KLHL1: variants seen among roughly 807,000 people sequenced by gnomAD.
The protein encoded by KLHL1 is kelch-like protein 1.
A neutral mutation model predicts 77.7 loss-of-function variants in KLHL1; 47 were observed. The observed-to-expected ratio is 0.60, with a 90% confidence interval of 0.48 to 0.77. The LOEUF (loss-of-function observed/expected upper bound fraction) is 0.77. Ranked by LOEUF, KLHL1 falls within the 30% of genes least tolerant of loss-of-function variation. KLHL1 has a pLI of 0.00. For missense variants in KLHL1, 925 were observed against 910.8 expected (o/e 1.02, Z -0.20); for synonymous variants, 360 against 325.2 (o/e 1.11, Z -1.15).
intron 4 of KLHL1, among the ~76,000 whole-genome samples, chr13:69,915,704 C>A (rs1048671496): frequency 3.3e-5 from 5 of 152,056 alleles, no homozygotes; most frequent in African/African-American, 1.2e-4. Context: ...ATGTCTAAAA[C>A]ACCAAAAGCA....
chr13:69,858,075 C>T (rs1053594270), intron 5 of KLHL1, among the ~76,000 whole-genome samples: 22 of 152,178 alleles, frequency 1.4e-4, no homozygotes, highest in Middle Eastern at 3.4e-3. Flanking sequence ...GCAGAGGCCA[C>T]GCCCTAAGGT....
intron 4 of KLHL1, among the ~76,000 whole-genome samples, chr13:69,890,179 A>G (rs1459975864): frequency 1.3e-5 from 2 of 151,996 alleles, no homozygotes; most frequent in Admixed American, 1.3e-4. Flanking sequence ...GAGGGTGACA[A>G]TGGAAGTGAA....
intron 4 of KLHL1, among the ~76,000 whole-genome samples, chr13:69,931,433 A>G (rs1385009922): frequency 6.6e-6 from 1 of 151,780 alleles, no homozygotes; most frequent in African/African-American, 2.4e-5. Context: ...TGCATAAAAC[A>G]TGACTGCTTA....
chr13:69,879,296 A>G (rs1250840688), intron 5 of KLHL1, among the ~76,000 whole-genome samples: 1 of 152,176 alleles, frequency 6.6e-6, no homozygotes, highest in African/African-American at 2.4e-5. Flanking sequence ...ACTCTCATTT[A>G]TGCTATAATA....
chr13:70,062,736 TTA>T, intron 1 of KLHL1, among the ~76,000 whole-genome samples: 1 of 152,290 alleles, frequency 6.6e-6, no homozygotes, highest in East Asian at 1.9e-4. Flanking sequence ...TCTTAATGTA[TTA>T]AACTTGTCTC....
chr13:69,892,132 C>T (rs1229125213), intron 4 of KLHL1, among the ~76,000 whole-genome samples: 5 of 152,108 alleles, frequency 3.3e-5, no homozygotes, highest in East Asian at 1.9e-4. Context: ...TGCTGAACAT[C>T]GGTATTTGCC....
chr13:69,753,207 C>T (rs1016356016), intron 7 of KLHL1, among the ~76,000 whole-genome samples: 5 of 152,080 alleles, frequency 3.3e-5, no homozygotes, highest in Non-Finnish European at 7.4e-5. Context: ...GACTCTTCTA[C>T]TCAGTGAACC....
chr13:69,737,770 G>A (rs1468860454), intron 8 of KLHL1, among the ~76,000 whole-genome samples: 1 of 152,210 alleles, frequency 6.6e-6, no homozygotes, highest in Non-Finnish European at 1.5e-5. Flanking sequence ...AGGAGGGGCA[G>A]CTGTAGTATC....
intron 7 of KLHL1, among the ~76,000 whole-genome samples, chr13:69,741,563 C>G (rs1181469761): frequency 1.3e-5 from 2 of 152,036 alleles, no homozygotes; most frequent in Non-Finnish European, 2.9e-5. Flanking sequence ...TTGCTGGTTC[C>G]CCACGCCCCA....
chr13:69,731,951 A>G (rs920290197), intron 8 of KLHL1, among the ~76,000 whole-genome samples: 8 of 152,112 alleles, frequency 5.3e-5, no homozygotes, highest in Non-Finnish European at 1.0e-4. Context: ...TTTGACCTAA[A>G]AACATATACT....
intron 5 of KLHL1, among the ~76,000 whole-genome samples, chr13:69,865,942 G>C (rs144096716): frequency 1.6e-3 from 236 of 152,116 alleles, no homozygotes; most frequent in African/African-American, 5.5e-3. Context: ...TGAGAGTAAC[G>C]AACATTAGCA....
chr13:69,868,665 A>G (rs537840477), intron 5 of KLHL1, among the ~76,000 whole-genome samples: 1 of 152,204 alleles, frequency 6.6e-6, no homozygotes, highest in African/African-American at 2.4e-5. Flanking sequence ...TATCATGATG[A>G]TAGCTTATAT....
chr13:69,749,558 A>T (rs1874380085), intron 7 of KLHL1, among the ~76,000 whole-genome samples: 1 of 152,020 alleles, frequency 6.6e-6, no homozygotes, highest in East Asian at 1.9e-4. Flanking sequence ...AAGATAGTTT[A>T]TTGAAAGAAA....
intron 7 of KLHL1, among the ~76,000 whole-genome samples, chr13:69,744,356 A>G (rs954489655): frequency 1.8e-4 from 27 of 152,038 alleles, no homozygotes; most frequent in African/African-American, 6.3e-4. Context: ...ATTTGAAAAT[A>G]GGTTCTGCAC....
chr13:70,009,188 A>G (rs1885473615), intron 1 of KLHL1, among the ~76,000 whole-genome samples: 2 of 152,132 alleles, frequency 1.3e-5, no homozygotes, highest in South Asian at 2.1e-4. Flanking sequence ...TGGAGACATA[A>G]GACAAACCAA....
chr13:69,800,388 C>T (rs1877325395), intron 6 of KLHL1, among the ~76,000 whole-genome samples: 1 of 152,064 alleles, frequency 6.6e-6, no homozygotes, highest in Non-Finnish European at 1.5e-5. Flanking sequence ...GTGCATTATT[C>T]AGCTTACCTC....
chr13:70,057,785 A>AT (rs1207438470), intron 1 of KLHL1, among the ~76,000 whole-genome samples: 2 of 144,546 alleles, frequency 1.4e-5, no homozygotes, highest in East Asian at 4.0e-4. Context: ...TCCGTCTCAA[A>AT]AAAAAAAAAA....
intron 1 of KLHL1, among the ~76,000 whole-genome samples, chr13:70,084,711 G>T (rs1343837483): frequency 7.4e-6 from 1 of 135,624 alleles, no homozygotes; most frequent in Non-Finnish European, 1.5e-5. Flanking sequence ...TCCTGACCTC[G>T]TGATCCACCC....
chr13:69,856,917 G>T (rs1189730970), intron 5 of KLHL1, among the ~76,000 whole-genome samples: 2 of 151,804 alleles, frequency 1.3e-5, no homozygotes, highest in Non-Finnish European at 2.9e-5. Context: ...GCTGTCTAAG[G>T]CCAGTCACTT....
Sources: gnomAD v4.1 joint callset for allele counts (sites outside exome capture counted in the v4.1 genomes callset) on GRCh38, gnomAD v4.1.1 for gene constraint, MANE v1.5 for transcripts, NCBI Gene and HGNC (gene_info 2026-07-23, HGNC 2026-07-21) for gene names.